FER: variants seen among roughly 807,000 people sequenced by gnomAD.
FER encodes the protein FER tyrosine kinase, also known as tyrosine-protein kinase Fer.
FER carries 63 observed loss-of-function variants against 111.0 expected under a neutral mutation model. That is an observed-to-expected ratio of 0.57 (90% CI 0.46 to 0.70). FER has a LOEUF of 0.70. Among genes scored for constraint, FER ranks in the 30% least tolerant of loss-of-function variants. The probability of loss-of-function intolerance (pLI) is 0.00; values close to 1 mark genes in which losing one functional copy is unlikely to be tolerated. For synonymous variants in FER, 327 were observed against 313.9 expected, an observed-to-expected ratio of 1.04 and a Z score of -0.44; for missense variants, 914 against 954.0, an observed-to-expected ratio of 0.96 and a Z score of 0.55.
rs1169121582 is a variant in FER, at chr5:109,013,654, C to T, written c.1657-23768C>T. ...GTTCTAGATCCCTGAGGAATCGCCA[C>T]ACTGACTTCCACAATGGTTGAACTA... is the stretch of plus-strand genomic sequence containing the variant. On this transcript the variant is annotated intron_variant, in intron 13 of 19. Coordinates refer to ENST00000281092, the MANE Select transcript of FER (RefSeq NM_005246.4). Among the ~76,000 whole-genome samples, 3 of 151,790 alleles carry T rather than the reference C, an allele frequency of 2.0e-5. No homozygotes were observed. The East Asian group carries it at 5.8e-4, about 29-fold the overall frequency.
chr5:108,959,297 C>G lies in FER; in HGVS notation c.1606C>G (p.Gln536Glu). 1 of 1,612,008 alleles carries G rather than the reference C, an allele frequency of 6.2e-7. No homozygotes were observed. The highest frequency in any genetic ancestry group is 8.5e-7 in the Non-Finnish European group (1 of 1,178,730). The change falls in exon 13 of 20, where the codon CAG becomes GAG. Residue 536 changes from glutamine (Q) to glutamate (E), a missense_variant. Physicochemically the swap from Gln to Glu is conservative, Grantham distance 29. Transcript: ENST00000281092. ...TATAGATCATCACTATACAACAAAA[C>G]AGGTCATCACTAAGAAATCAGGTGT... ...QLIDHHYTTK[Q>E]VITKKSGVVL...
intron 17 of FER, among the ~76,000 whole-genome samples, chr5:109,160,358 T>C (rs141742191): frequency 6.6e-6 from 1 of 152,296 alleles, no homozygotes; most frequent in Non-Finnish European, 1.5e-5. Flanking sequence ...GCAAACTGGT[T>C]CAGTTCATTT....
At chr5:108,847,719 A>G (rs1762157414) in intron 5 of FER, among the ~76,000 whole-genome samples, 1 of 152,098 alleles carries the variant, frequency 6.6e-6, no homozygotes, top group Non-Finnish European at 1.5e-5. Flanking sequence ...TGAGTATTAT[A>G]TTCTTTTGAT....
intron 17 of FER, among the ~76,000 whole-genome samples, chr5:109,129,905 A>G (rs1561933620): frequency 6.6e-6 from 1 of 152,080 alleles, no homozygotes; most frequent in South Asian, 2.1e-4. Flanking sequence ...AAAATCCTAC[A>G]TCTCACATAT....
At position 109,195,454 on chromosome 5, in the gene FER, GAT is replaced by G. The variant is rs1434548860; in HGVS notation, c.*7880_*7881del. 6.6e-6 allele frequency: 1 copy of G among 152,146 alleles called. No homozygotes were observed. The highest frequency in any genetic ancestry group is 1.5e-5 in the Non-Finnish European group (1 of 68,028). The allele number at this position is 152,146 out of a possible 1,614,324, so 9.4% of individuals were successfully genotyped here. ...CTATTTTTGGCTTTAGTGTCAAAGAGATTGGTTCTACAAGGTTCATCTGATTT... is the reference window on the plus strand; with the variant it reads ...CTATTTTTGGCTTTAGTGTCAAAGAGTGGTTCTACAAGGTTCATCTGATTT... On this transcript the variant is annotated 3_prime_UTR_variant, in exon 20 of 20. Coordinates refer to ENST00000281092, the MANE Select transcript of FER (RefSeq NM_005246.4).
intron 10 of FER, among the ~76,000 whole-genome samples, chr5:108,900,664 G>T (rs1412767034): frequency 1.3e-5 from 2 of 152,164 alleles, no homozygotes; most frequent in African/African-American, 4.8e-5. Flanking sequence ...TTAGTTAATG[G>T]CAGTGTTACT....
chr5:108,879,167 C>A (rs1034317794), intron 8 of FER, among the ~76,000 whole-genome samples: 3 of 151,922 alleles, frequency 2.0e-5, no homozygotes, highest in Non-Finnish European at 4.4e-5. Context: ...CTTTTAACTG[C>A]TTTGCCTTAT....
intron 2 of FER, among the ~76,000 whole-genome samples, chr5:108,779,300 CA>C (rs1369856194): frequency 7.2e-6 from 1 of 139,766 alleles, no homozygotes; most frequent in Non-Finnish European, 1.6e-5. Context: ...GGTCTTTTGC[CA>C]GCATCTATTT....
chr5:109,044,048 A>G (rs554732113), intron 14 of FER, among the ~76,000 whole-genome samples: 1 of 152,264 alleles, frequency 6.6e-6, no homozygotes, highest in South Asian at 2.1e-4. Flanking sequence ...AAAAAACCTA[A>G]GAGAATACTC....
rs551092408 is a variant in FER, at chr5:109,115,107, G to A, written c.2048+14588G>A. 7.6e-3 allele frequency among the ~76,000 whole-genome samples: 1,152 copies of A among 152,086 alleles called. 10 individuals are homozygous for A. Among genetic ancestry groups the A allele is most frequent in the African/African-American group, 0.027 (1,118 of 41,486 alleles). On this transcript the variant is annotated intron_variant, in intron 17 of 19. Transcript: ENST00000281092. ...TGTTATCTTAGGAGATATTATAAAA[G>A]TAATTATTTTATTTAAATTTCTCAA...
chr5:108,958,686 T>A (rs1355598917), intron 12 of FER, among the ~76,000 whole-genome samples: 1 of 151,832 alleles, frequency 6.6e-6, no homozygotes, highest in East Asian at 1.9e-4. Flanking sequence ...TAATTAATAA[T>A]AAATGAATAC....
At chr5:108,757,760 C>A (rs181728923) in intron 1 of FER, among the ~76,000 whole-genome samples, 6 of 152,228 alleles carry the variant, frequency 3.9e-5, no homozygotes, top group Admixed American at 6.5e-5. Context: ...TAATATAGTT[C>A]TGACAAATAT....
At chr5:109,166,623 C>G (rs1296441902) in intron 17 of FER, among the ~76,000 whole-genome samples, 1 of 152,150 alleles carries the variant, frequency 6.6e-6, no homozygotes, top group African/African-American at 2.4e-5. Context: ...CTGTTTATTT[C>G]TTATTGTTCT....
chr5:108,958,629 G>A (rs188661038), intron 12 of FER, among the ~76,000 whole-genome samples: 154 of 151,842 alleles, frequency 1.0e-3, no homozygotes, highest in Non-Finnish European at 9.9e-4. Context: ...TTTTGTCACT[G>A]TTGCATTTTA....
intron 8 of FER, among the ~76,000 whole-genome samples, chr5:108,873,312 T>G (rs1272962887): frequency 6.6e-6 from 1 of 151,950 alleles, no homozygotes; most frequent in East Asian, 1.9e-4. Context: ...CTGGCTAATT[T>G]TTGTGTTTTT....
At chr5:109,134,277 C>A (rs1045518278) in intron 17 of FER, among the ~76,000 whole-genome samples, 2 of 152,052 alleles carry the variant, frequency 1.3e-5, no homozygotes, top group South Asian at 4.2e-4. Context: ...AAAAACTAAA[C>A]ACAGAACAGG....
At chr5:108,908,075 G>A (rs2150352053) in intron 10 of FER, among the ~76,000 whole-genome samples, 1 of 152,110 alleles carries the variant, frequency 6.6e-6, no homozygotes, top group East Asian at 1.9e-4. Context: ...TTCTTCCTTT[G>A]ATTTTCATTT....
chr5:108,981,490 T>C (rs1214083824), intron 13 of FER, among the ~76,000 whole-genome samples: 1 of 152,106 alleles, frequency 6.6e-6, no homozygotes, highest in African/African-American at 2.4e-5. Context: ...AGGCTACACA[T>C]TCAGTTCTGA....
At chr5:109,051,361 G>A in intron 16 of FER, 1 of 1,610,482 alleles carries the variant, frequency 6.2e-7, no homozygotes, top group Non-Finnish European at 8.5e-7. Context: ...ACGACTGCTG[G>A]CTCTGCTTGA....
Sources: allele counts gnomAD v4.1 joint callset (sites outside exome capture counted in the v4.1 genomes callset), GRCh38; gene constraint gnomAD v4.1.1; transcripts MANE v1.5; gene names NCBI Gene and HGNC (gene_info 2026-07-23, HGNC 2026-07-21).